Variants in PDE4D observed in about 807,000 individuals in gnomAD.
The protein encoded by PDE4D is 3',5'-cyclic-AMP phosphodiesterase 4D.
PDE4D carries 24 observed loss-of-function variants against 87.4 expected under a neutral mutation model. The ratio of observed to expected loss-of-function variants is 0.27; its 90% CI spans 0.20 to 0.39. The LOEUF (loss-of-function observed/expected upper bound fraction) is 0.39, where lower values mean the gene tolerates loss of function less well. Among genes scored for constraint, PDE4D ranks in the 10% least tolerant of loss-of-function variants. The pLI, the probability that PDE4D is intolerant of heterozygous loss-of-function variation, is 1.00. For synonymous variants in PDE4D, 384 were observed against 383.2 expected, an observed-to-expected ratio of 1.00 and a Z score of -0.02; for missense variants, 714 against 1,041.0, an observed-to-expected ratio of 0.69 and a Z score of 4.32.
intron 1 of PDE4D, among the ~76,000 whole-genome samples, chr5:60,325,852 A>C (rs574439973): frequency 1.3e-5 from 2 of 152,200 alleles, no homozygotes; most frequent in East Asian, 3.9e-4. Flanking sequence ...ACTAATCTAC[A>C]CTAATCTGTT....
intron 3 of PDE4D, among the ~76,000 whole-genome samples, chr5:59,916,781 A>G (rs1363387807): frequency 1.3e-5 from 2 of 151,606 alleles, no homozygotes; most frequent in Non-Finnish European, 2.9e-5. Context: ...ATAAAACTAC[A>G]TAGATTCCTT....
intron 1 of PDE4D, among the ~76,000 whole-genome samples, chr5:59,757,868 T>C (rs1201323822): frequency 1.1e-4 from 17 of 152,310 alleles, no homozygotes; most frequent in Non-Finnish European, 1.5e-5. Flanking sequence ...CAAGGACATA[T>C]ATTTCTCCTA....
At chr5:60,317,242 C>G (rs1278457356) in intron 1 of PDE4D, among the ~76,000 whole-genome samples, 1 of 152,096 alleles carries the variant, frequency 6.6e-6, no homozygotes, top group Admixed American at 6.5e-5. Context: ...AGGACTTGAT[C>G]CATTTCTTCT....
intron 1 of PDE4D, among the ~76,000 whole-genome samples, chr5:59,466,627 A>T (rs1251739121): frequency 6.6e-6 from 1 of 152,212 alleles, no homozygotes. Flanking sequence ...CAATAATTGG[A>T]AAAAGAGGCT....
At chr5:59,483,575 C>A (rs373982645) in intron 1 of PDE4D, among the ~76,000 whole-genome samples, 1 of 152,072 alleles carries the variant, frequency 6.6e-6, no homozygotes, top group East Asian at 1.9e-4. Flanking sequence ...AGAACTATAT[C>A]CCAGCATTGC....
At chr5:59,755,593 C>T (rs76549066) in intron 1 of PDE4D, among the ~76,000 whole-genome samples, 3,981 of 152,104 alleles carry the variant, frequency 0.026, 197 homozygotes, top group African/African-American at 0.091. Flanking sequence ...CAGCCTTGTG[C>T]ATTATCAGCC....
At chr5:59,586,273 T>C in intron 1 of PDE4D, 2 of 1,312,400 alleles carry the variant, frequency 1.5e-6, no homozygotes, top group South Asian at 1.2e-5. Flanking sequence ...CTGGTACCTG[T>C]CACGGAATTT....
chr5:59,851,034 G>T (rs1374695280), intron 1 of PDE4D, among the ~76,000 whole-genome samples: 2 of 152,002 alleles, frequency 1.3e-5, no homozygotes, highest in Admixed American at 6.6e-5. Context: ...AACTTTTGAA[G>T]TTGGGTCCTA....
chr5:60,487,657 T>C (rs940097506), intron 1 of PDE4D: 3 of 152,234 alleles, frequency 2.0e-5, no homozygotes, highest in Admixed American at 6.5e-5. Flanking sequence ...CCTGCTCCTG[T>C]TGGACCTCTG....
intron 1 of PDE4D, among the ~76,000 whole-genome samples, chr5:59,238,698 A>G (rs1449018005): frequency 6.6e-6 from 1 of 152,180 alleles, no homozygotes; most frequent in Non-Finnish European, 1.5e-5. Flanking sequence ...TACCACATCA[A>G]AGGCTCTATT....
At chr5:59,330,953 A>G (rs996782946) in intron 1 of PDE4D, among the ~76,000 whole-genome samples, 3 of 151,990 alleles carry the variant, frequency 2.0e-5, no homozygotes, top group Non-Finnish European at 2.9e-5. Flanking sequence ...CGCAGCCTCA[A>G]CCACACTCAT....
intron 1 of PDE4D, among the ~76,000 whole-genome samples, chr5:59,299,559 AAAG>A (rs1769763563): frequency 6.6e-6 from 1 of 152,208 alleles, no homozygotes; most frequent in Non-Finnish European, 1.5e-5. Context: ...TTGTGACACC[AAAG>A]AAGATTTTGA....
At chr5:60,431,351 T>C (rs1744273020) in intron 1 of PDE4D, among the ~76,000 whole-genome samples, 2 of 141,486 alleles carry the variant, frequency 1.4e-5, no homozygotes, top group East Asian at 2.1e-4. Context: ...TCCTCACTTC[T>C]CAGATGGGGC....
intron 1 of PDE4D, among the ~76,000 whole-genome samples, chr5:60,320,066 C>T (rs1417060498): frequency 1.3e-5 from 2 of 152,236 alleles, no homozygotes; most frequent in South Asian, 2.1e-4. Context: ...TTTGGCTATG[C>T]CCTGCCCCCA....
At chr5:60,001,323 CAAAT>C (rs546471327) in intron 2 of PDE4D, among the ~76,000 whole-genome samples, 52 of 152,140 alleles carry the variant, frequency 3.4e-4, no homozygotes, top group African/African-American at 1.1e-3. Flanking sequence ...ACATGGATAA[CAAAT>C]AAATAATATG....
chr5:59,519,618 T>G (rs1178913919), intron 1 of PDE4D, among the ~76,000 whole-genome samples: 1 of 152,146 alleles, frequency 6.6e-6, no homozygotes, highest in Non-Finnish European at 1.5e-5. Flanking sequence ...GCGGTAGACA[T>G]AGATCATGTA....
chr5:59,107,284 T>A (rs1232753465), intron 5 of PDE4D, among the ~76,000 whole-genome samples: 1 of 152,172 alleles, frequency 6.6e-6, no homozygotes, highest in African/African-American at 2.4e-5. Context: ...CGATCTTGGC[T>A]CGCAACATCC....
intron 3 of PDE4D, among the ~76,000 whole-genome samples, chr5:59,946,288 G>A (rs1040385008): frequency 6.6e-5 from 10 of 152,170 alleles, no homozygotes; most frequent in African/African-American, 2.4e-4. Context: ...TGGTGGGCAA[G>A]CAACCTACCA....
intron 1 of PDE4D, among the ~76,000 whole-genome samples, chr5:60,228,391 A>C (rs1745383573): frequency 6.6e-6 from 1 of 152,124 alleles, no homozygotes; most frequent in East Asian, 1.9e-4. Flanking sequence ...CCATCTATCC[A>C]CGACACAACA....
Sources: gnomAD v4.1 joint callset for allele counts (sites outside exome capture counted in the v4.1 genomes callset) on GRCh38, gnomAD v4.1.1 for gene constraint, MANE v1.5 for transcripts, NCBI Gene and HGNC (gene_info 2026-07-23, HGNC 2026-07-21) for gene names.